RBM7: variants seen among roughly 807,000 people sequenced by gnomAD.
The protein encoded by RBM7 is RNA-binding protein 7.
A neutral mutation model predicts 31.0 loss-of-function variants in RBM7; 13 were observed. The observed-to-expected ratio is 0.42, with a 90% CI of 0.27 to 0.67. The LOEUF (loss-of-function observed/expected upper bound fraction) is 0.67. Among genes scored for constraint, RBM7 ranks in the 30% least tolerant of loss-of-function variants. The pLI is 0.24. For synonymous variants in RBM7, 106 were observed against 111.2 expected (o/e 0.95, Z 0.30); for missense variants, 245 against 326.2 (o/e 0.75, Z 1.92).
Position 114,405,740 on chromosome 11 carries a change from T to C in RBM7, c.382T>C (p.Ser128Pro). Residue 128 changes from serine to proline, a missense_variant, in exon 4 of 5, where the codon TCA becomes CCA. Ser to Pro is a moderately conservative substitution (Grantham distance 74). Transcript: ENST00000375490. ...YERTMDNMTS[S>P]AQIIQRSFSS... ...AAGGACTATGGATAACATGACTTCA[T>C]CAGCACAGATAATTCAGAGATCTTT... 1 of 1,608,692 alleles carries C rather than the reference T, an allele frequency of 6.2e-7. No homozygotes were observed. The highest frequency in any genetic ancestry group is 8.5e-7 in the Non-Finnish European group (1 of 1,177,596).
intron 2 of RBM7, chr11:114,402,073 AT>A: frequency 4.1e-6 from 2 of 484,042 alleles, no homozygotes; most frequent in Non-Finnish European, 6.9e-6. Context: ...TTAAAGTTTC[AT>A]TTTGGGTTAG....
In RBM7 at chr11:114,407,736, G is replaced by T. The variant is rs1220718696; in HGVS notation, c.733G>T (p.Asp245Tyr). 1 of 1,613,814 alleles carries T rather than the reference G, an allele frequency of 6.2e-7. No homozygotes were observed. The highest frequency in any genetic ancestry group is 1.1e-5 in the South Asian group (1 of 91,024). Residue 245 changes from aspartate to tyrosine, a missense_variant, in exon 5 of 5, where the codon GAC becomes TAC. Coordinates refer to ENST00000375490, the MANE Select transcript of RBM7 (RefSeq NM_001286045.2). Reference protein sequence around the residue: ...DFFYEDRNHDDWSHDYDNRRD... With the variant: ...DFFYEDRNHDYWSHDYDNRRD... ...CTTCTATGAAGACAGGAATCATGAT[G>T]ACTGGAGCCATGACTATGATAACAG...
At position 114,400,678 on chromosome 11, in the gene RBM7, G is replaced by C. The variant is rs1203693799; in HGVS notation, c.7G>C (p.Ala3Pro). MGAAAAEADRTLF... is the reference protein window; with the variant it reads MGPAAAEADRTLF... Reference sequence around the variant, plus strand: ...GGGAGGGGGCGACGCTGAGATGGGGGCGGCGGCGGCGGAAGCGGATCGCAC... The same window carrying C: ...GGGAGGGGGCGACGCTGAGATGGGGCCGGCGGCGGCGGAAGCGGATCGCAC... The change falls in exon 1 of 5, where the codon GCG becomes CCG. Residue 3 changes from alanine (A) to proline (P), a missense_variant. By Grantham distance (27) the Ala-to-Pro change is conservative. Transcript: ENST00000375490. The C allele has an allele frequency of 3.1e-6, 5 of 1,613,868 alleles. No homozygotes were observed. Among genetic ancestry groups the C allele is most frequent in the Non-Finnish European group, 4.2e-6 (5 of 1,179,906 alleles).
At position 114,408,082 on chromosome 11, in the gene RBM7, G is replaced by A. The variant is rs1179199481; in HGVS notation, c.*275G>A. 1 of 226,968 alleles carries A rather than the reference G, an allele frequency of 4.4e-6. No homozygotes were observed. Among genetic ancestry groups the A allele is most frequent in the Non-Finnish European group, 8.5e-6 (1 of 117,130 alleles). The allele number at this position is 226,968 out of a possible 1,614,324, so 14.1% of individuals were successfully genotyped here. A position where few individuals can be genotyped will look rare whatever the true frequency, so the allele number is the denominator to read the frequency against. Reference sequence around the variant, plus strand: ...TTTAGACACTTTAGGAGGGGGTGAAGTTGTATGATAAAGCAGATATTTTAA... The same window carrying A: ...TTTAGACACTTTAGGAGGGGGTGAAATTGTATGATAAAGCAGATATTTTAA... On this transcript the variant is annotated 3_prime_UTR_variant, in exon 5 of 5. Transcript: ENST00000375490.
At chr11:114,401,343 A>G (rs1946197531) in intron 1 of RBM7, among the ~76,000 whole-genome samples, 1 of 152,334 alleles carries the variant, frequency 6.6e-6, no homozygotes, top group Admixed American at 6.5e-5. Context: ...TGATTAATCA[A>G]TACAAAAGTC....
intron 3 of RBM7, 126 bp downstream of exon 3, chr11:114,403,041 C>A (rs1946225345): frequency 1.2e-6 from 1 of 846,576 alleles, no homozygotes; most frequent in Non-Finnish European, 1.9e-6. Flanking sequence ...TTATTACTTG[C>A]CTTTTGGGGT....
At chr11:114,402,607 G>A (rs1424464203) in intron 2 of RBM7, among the ~76,000 whole-genome samples, 3 of 151,766 alleles carry the variant, frequency 2.0e-5, no homozygotes, top group Non-Finnish European at 4.4e-5. Flanking sequence ...GTTTCACCAT[G>A]TTGGTCAGGC....
Position 114,409,684 on chromosome 11 carries a change from AC to A in RBM7, c.*1878del, listed in dbSNP as rs1458534799. The stretch of plus-strand genomic sequence containing the variant: ...GCGCCTGGCCTAATACTGCTTTATT[AC>A]AACGTTATCTGTGGGTCGGATCCTT... On this transcript the variant is annotated 3_prime_UTR_variant, in exon 5 of 5. Coordinates refer to ENST00000375490, the MANE Select transcript of RBM7 (RefSeq NM_001286045.2). The A allele has an allele frequency of 6.6e-6, 1 of 152,132 alleles. No homozygotes were observed. Among genetic ancestry groups the A allele is most frequent in the Non-Finnish European group, 1.5e-5 (1 of 68,012 alleles). 9.4% of individuals were successfully genotyped at this position (152,132 alleles called of 1,614,324 possible). A position where few individuals can be genotyped will look rare whatever the true frequency, so the allele number is the denominator to read the frequency against.
In RBM7 at chr11:114,402,934, T is replaced by C. The variant is rs1946223973; in HGVS notation, c.347+19T>C. Reference sequence around the variant, plus strand: ...CTAGCAGGTAATATTTCTCACTTATTGTTAAGATCATTTATCAGGAATTCT... The same window carrying C: ...CTAGCAGGTAATATTTCTCACTTATCGTTAAGATCATTTATCAGGAATTCT... On this transcript the variant is annotated intron_variant, in intron 3 of 4. Coordinates refer to ENST00000375490, the MANE Select transcript of RBM7 (RefSeq NM_001286045.2). 1 of 1,566,660 alleles carries C rather than the reference T, an allele frequency of 6.4e-7. No homozygotes were observed. Among genetic ancestry groups the C allele is most frequent in the Non-Finnish European group, 8.8e-7 (1 of 1,137,132 alleles).
rs145923360 is a variant in RBM7 at position 114,407,436 on chromosome 11, A to G, written c.442-9A>G. The G allele has an allele frequency of 7.9e-5, 126 of 1,598,718 alleles. No individual in the cohort carries two copies. Among genetic ancestry groups the G allele is most frequent in the Non-Finnish European group, 1.0e-4 (118 of 1,170,794 alleles). ...AAGTATTAACATTTCCACTTTTCCT[A>G]TTCCTCAGATGAACAGTGCTTTGAG... On this transcript the variant is annotated splice_polypyrimidine_tract_variant and intron_variant, in intron 4 of 4. Coordinates refer to ENST00000375490, the MANE Select transcript of RBM7 (RefSeq NM_001286045.2).
At position 114,401,694 on chromosome 11, in the gene RBM7, G is replaced by T; in HGVS notation, c.97-4G>T. The T allele has an allele frequency of 2.7e-6, 4 of 1,494,362 alleles. No individual in the cohort carries two copies. The highest frequency in any genetic ancestry group is 5.5e-5 in the Admixed American group (2 of 36,580). 92.6% of individuals were successfully genotyped at this position (1,494,362 alleles called of 1,614,324 possible). On this transcript the variant is annotated splice_polypyrimidine_tract_variant and splice_region_variant and intron_variant, in intron 1 of 4. Coordinates refer to ENST00000375490, the MANE Select transcript of RBM7 (RefSeq NM_001286045.2). The stretch of plus-strand genomic sequence containing the variant: ...TTAAATTCTAAACACCTTTTTGTTT[G>T]TAGGCTGGGCCAGTAATAAAGGTGA...
At position 114,401,701 on chromosome 11, in the gene RBM7, G is replaced by T; in HGVS notation, c.100G>T (p.Gly34Trp). Residue 34 changes from glycine to tryptophan, a missense_variant, in exon 2 of 5, where the codon GGG (glycine) becomes TGG (tryptophan). Gly to Trp is a radical substitution (Grantham distance 184, BLOSUM62 -2). Transcript: ENST00000375490. ...CTAAACACCTTTTTGTTTGTAGGCT[G>T]GGCCAGTAATAAAGGTGAAAATTCC... is the stretch of plus-strand genomic sequence containing the variant. ...ELLFELFHQA[G>W]PVIKVKIPKD... 10 of 1,513,636 alleles carry T rather than the reference G, an allele frequency of 6.6e-6. No individual in the cohort carries two copies. Among genetic ancestry groups the T allele is most frequent in the Non-Finnish European group, 8.8e-6 (10 of 1,138,752 alleles). 93.8% of individuals were successfully genotyped at this position (1,513,636 alleles called of 1,614,324 possible). A position where few individuals can be genotyped will look rare whatever the true frequency, so the allele number is the denominator to read the frequency against.
At position 114,401,251 on chromosome 11, in the gene RBM7, T is replaced by G. The variant is rs186747689; in HGVS notation, c.97-447T>G. ...AAGTACTCCGTAGAAAAACAGCATT[T>G]TAGTGTTGCTGTATTAAAAAGTGTG... On this transcript the variant is annotated intron_variant, in intron 1 of 4. Coordinates refer to ENST00000375490, the MANE Select transcript of RBM7 (RefSeq NM_001286045.2). Among the ~76,000 whole-genome samples the G allele has an allele frequency of 1.9e-3, 295 of 152,336 alleles. 1 individual carries two copies. The highest frequency in any genetic ancestry group is 6.1e-3 in the African/African-American group (254 of 41,576).
chr11:114,403,241 C>A (rs1946227680), intron 3 of RBM7, among the ~76,000 whole-genome samples: 1 of 152,196 alleles, frequency 6.6e-6, no homozygotes, highest in South Asian at 2.1e-4. Context: ...TATTTACCCT[C>A]ACTACTTGGA....
At position 114,402,820 on chromosome 11, in the gene RBM7, C is replaced by G. The variant is rs759980487; in HGVS notation, c.260-8C>G. 3.7e-6 allele frequency: 6 copies of G among 1,603,676 alleles called. No individual in the cohort carries two copies. The African/African-American group carries it at 8.0e-5, about 21-fold the overall frequency. ...TCAAGAATAATTTTTCAAATTGTTTCATTTTAGGAAGTAGTCATGCCCCAC... is the reference window on the plus strand; with the variant it reads ...TCAAGAATAATTTTTCAAATTGTTTGATTTTAGGAAGTAGTCATGCCCCAC... On this transcript the variant is annotated splice_region_variant and splice_polypyrimidine_tract_variant and intron_variant, in intron 2 of 4. Transcript: ENST00000375490.
Position 114,407,584 on chromosome 11 carries a change from C to T in RBM7, c.581C>T (p.Thr194Ile), listed in dbSNP as rs376442758. The change falls in exon 5 of 5, where the codon ACA becomes ATA. Residue 194 changes from threonine (T) to isoleucine (I), a missense_variant. Thr to Ile is a moderately conservative substitution (Grantham distance 89, BLOSUM62 -1). Transcript: ENST00000375490. ...TCAAGCTCCCAGTGGCGCCAAGGTA[C>T]ACCATCATCACAGCGTAAAGTCAGA... ...QSSSSQWRQG[T>I]PSSQRKVRMN... 1.1e-5 allele frequency: 18 copies of T among 1,614,048 alleles called. No individual in the cohort carries two copies. Among genetic ancestry groups the T allele is most frequent in the African/African-American group, 5.3e-5 (4 of 74,930 alleles).
intron 4 of RBM7, 66 bp downstream of exon 4, chr11:114,405,865 T>A (rs1164949911): frequency 1.7e-6 from 2 of 1,142,914 alleles, no homozygotes; most frequent in Non-Finnish European, 2.5e-6. Flanking sequence ...ATGTTCGCAT[T>A]GTATCAAATA....
chr11:114,402,934 T>A lies in RBM7; in HGVS notation c.347+19T>A. Reference sequence around the variant, plus strand: ...CTAGCAGGTAATATTTCTCACTTATTGTTAAGATCATTTATCAGGAATTCT... The same window carrying A: ...CTAGCAGGTAATATTTCTCACTTATAGTTAAGATCATTTATCAGGAATTCT... On this transcript the variant is annotated intron_variant, in intron 3 of 4. Coordinates refer to ENST00000375490, the MANE Select transcript of RBM7 (RefSeq NM_001286045.2). The A allele has an allele frequency of 1.3e-6, 2 of 1,566,778 alleles. No individual in the cohort carries two copies. Among genetic ancestry groups the A allele is most frequent in the Non-Finnish European group, 1.8e-6 (2 of 1,137,124 alleles).
chr11:114,404,869 C>A (rs1946245709), intron 3 of RBM7, among the ~76,000 whole-genome samples: 1 of 152,166 alleles, frequency 6.6e-6, no homozygotes, highest in African/African-American at 2.4e-5. Flanking sequence ...CTATTTGATT[C>A]TAAAGACATT....
Sources: allele counts gnomAD v4.1 joint callset (sites outside exome capture counted in the v4.1 genomes callset), GRCh38; gene constraint gnomAD v4.1.1; transcripts MANE v1.5; gene names NCBI Gene and HGNC (gene_info 2026-07-23, HGNC 2026-07-21).